The following RABGAP1L variants were observed in gnomAD, a reference collection of about 807,000 sequenced individuals.
RABGAP1L encodes RAB GTPase activating protein 1 like.
A neutral mutation model predicts 137.7 loss-of-function variants in RABGAP1L; 63 were observed. The ratio of observed to expected loss-of-function variants is 0.46; its 90% CI spans 0.37 to 0.56. The LOEUF (loss-of-function observed/expected upper bound fraction) is 0.56. Among genes scored for constraint, RABGAP1L ranks in the 20% least tolerant of loss-of-function variants. RABGAP1L has a pLI of 0.00. For missense variants in RABGAP1L, 1,095 were observed against 1,244.0 expected (o/e 0.88, Z 1.80); for synonymous variants, 431 against 433.7 (o/e 0.99, Z 0.08).
intron 19 of RABGAP1L, among the ~76,000 whole-genome samples, chr1:174,953,518 A>G (rs1668045826): frequency 6.6e-6 from 1 of 152,182 alleles, no homozygotes; most frequent in African/African-American, 2.4e-5. Context: ...AACAGCTGAC[A>G]AGGACCCACT....
At chr1:174,552,649 A>G (rs1282668740) in intron 13 of RABGAP1L, among the ~76,000 whole-genome samples, 7 of 152,070 alleles carry the variant, frequency 4.6e-5, no homozygotes, top group African/African-American at 1.4e-4. Context: ...GGTTCATTCC[A>G]TGTGTTTGCT....
intron 1 of RABGAP1L, among the ~76,000 whole-genome samples, chr1:174,173,387 C>T (rs1466319821): frequency 6.6e-6 from 1 of 152,130 alleles, no homozygotes; most frequent in Non-Finnish European, 1.5e-5. Context: ...ACCTCAGCCT[C>T]CCAAAGTGCT....
chr1:174,705,162 A>G (rs1291290121), intron 17 of RABGAP1L: 4 of 152,138 alleles, frequency 2.6e-5, no homozygotes, highest in Non-Finnish European at 4.4e-5. Context: ...GTGCTTAATC[A>G]TAACCAACTA....
intron 10 of RABGAP1L, among the ~76,000 whole-genome samples, chr1:174,288,476 A>G (rs1676270670): frequency 6.6e-6 from 1 of 152,140 alleles, no homozygotes; most frequent in Non-Finnish European, 1.5e-5. Flanking sequence ...TGCCAGGTAT[A>G]GTATTCTTGG....
intron 13 of RABGAP1L, among the ~76,000 whole-genome samples, chr1:174,404,974 T>C (rs1649091571): frequency 6.6e-6 from 1 of 152,206 alleles, no homozygotes; most frequent in African/African-American, 2.4e-5. Context: ...TCACATCAGA[T>C]TACTGGTACT....
intron 1 of RABGAP1L, among the ~76,000 whole-genome samples, chr1:174,176,450 C>T (rs1409763696): frequency 6.7e-6 from 1 of 149,506 alleles, no homozygotes; most frequent in Non-Finnish European, 1.5e-5. Context: ...TGGCTCACGC[C>T]TGTAATCCTA....
At chr1:174,252,405 G>A (rs1397792781) in intron 6 of RABGAP1L, 75 bp from the exon 7 acceptor site, 1 of 1,546,400 alleles carries the variant, frequency 6.5e-7, no homozygotes, top group Non-Finnish European at 8.7e-7. Context: ...TTGTTGTTTT[G>A]TTCTAACCTT....
intron 13 of RABGAP1L, among the ~76,000 whole-genome samples, chr1:174,573,251 AT>A (rs1430392279): frequency 6.6e-6 from 1 of 151,496 alleles, no homozygotes; most frequent in East Asian, 1.9e-4. Context: ...ATGTGTGTAT[AT>A]ATGTGTGACA....
intron 13 of RABGAP1L, among the ~76,000 whole-genome samples, chr1:174,413,064 G>T (rs981166918): frequency 2.0e-5 from 3 of 152,050 alleles, no homozygotes; most frequent in Admixed American, 6.6e-5. Context: ...TTTTCAGATT[G>T]TTTACTTTTT....
At position 174,440,187 on chromosome 1, in the gene RABGAP1L, G is replaced by C. The variant is rs145576536; in HGVS notation, c.1710+46042G>C. On this transcript the variant is annotated intron_variant, in intron 13 of 25. Transcript: ENST00000681986. ...TTAGCTAATCCTAAACAACATAGAA[G>C]AGAAGTGAGACTGGATGGATGCATA... Among the ~76,000 whole-genome samples, 178 of 152,306 alleles carry C rather than the reference G, an allele frequency of 1.2e-3. 1 individual carries two copies. Among genetic ancestry groups the C allele is most frequent in the African/African-American group, 4.2e-3 (174 of 41,564 alleles).
intron 18 of RABGAP1L, among the ~76,000 whole-genome samples, chr1:174,791,515 G>A (rs571968037): frequency 6.6e-6 from 1 of 152,152 alleles, no homozygotes; most frequent in East Asian, 1.9e-4. Flanking sequence ...AAAAAATGCT[G>A]GTCTAGCTTG....
At chr1:174,487,236 G>GT (rs1659758789) in intron 13 of RABGAP1L, among the ~76,000 whole-genome samples, 3 of 152,030 alleles carry the variant, frequency 2.0e-5, no homozygotes, top group Admixed American at 1.3e-4. Flanking sequence ...GTCTCCAGCT[G>GT]TTACTCTATT....
chr1:174,424,584 GA>G (rs1179767219), intron 13 of RABGAP1L, among the ~76,000 whole-genome samples: 1 of 151,940 alleles, frequency 6.6e-6, no homozygotes, highest in African/African-American at 2.4e-5. Context: ...TTTCTTTATA[GA>G]AATTGAAAAG....
chr1:174,556,810 G>T (rs1289728416), intron 13 of RABGAP1L, among the ~76,000 whole-genome samples: 1 of 152,214 alleles, frequency 6.6e-6, no homozygotes, highest in East Asian at 1.9e-4. Flanking sequence ...ATTATTGGTG[G>T]TGAGAAGGAG....
chr1:174,970,696 A>G (rs1433899865), intron 21 of RABGAP1L, among the ~76,000 whole-genome samples: 1 of 152,154 alleles, frequency 6.6e-6, no homozygotes, highest in Non-Finnish European at 1.5e-5. Context: ...TATATAGATG[A>G]GGAAACTAGA....
At chr1:174,449,805 C>A (rs980665027) in intron 13 of RABGAP1L, among the ~76,000 whole-genome samples, 3 of 152,160 alleles carry the variant, frequency 2.0e-5, no homozygotes, top group African/African-American at 7.2e-5. Flanking sequence ...CACAGTTTTT[C>A]TGCTATAAAC....
In RABGAP1L at chr1:174,761,857, G is replaced by A. The variant is rs1166877866; in HGVS notation, c.2211+9503G>A. Among the ~76,000 whole-genome samples the A allele has an allele frequency of 1.3e-5, 2 of 152,058 alleles. No homozygotes were observed. Among genetic ancestry groups the A allele is most frequent in the South Asian group, 4.1e-4 (2 of 4,828 alleles). ...AAGATGAGGTTTGGGTGGGGACACAGCCAAACCATATCAACAATAAACATA... is the reference window on the plus strand; with the variant it reads ...AAGATGAGGTTTGGGTGGGGACACAACCAAACCATATCAACAATAAACATA... On this transcript the variant is annotated intron_variant, in intron 18 of 25. Coordinates refer to ENST00000681986, the MANE Select transcript of RABGAP1L (RefSeq NM_001366446.1). This position sits in a 1 kb window ranked among gnomAD's most constrained non-coding sequence, Gnocchi z 4.0.
chr1:174,329,048 A>AAC (rs932656982), intron 11 of RABGAP1L, among the ~76,000 whole-genome samples: 2 of 151,660 alleles, frequency 1.3e-5, no homozygotes, highest in African/African-American at 4.8e-5. Context: ...ACAAAAAAAA[A>AAC]AACCCAGGAA....
chr1:174,850,788 A>G (rs926375312), intron 19 of RABGAP1L, among the ~76,000 whole-genome samples: 11 of 152,256 alleles, frequency 7.2e-5, no homozygotes, highest in Non-Finnish European at 1.5e-4. Context: ...TAATCGAATC[A>G]TATGAGCCTT....
Sources: gnomAD v4.1 joint callset for allele counts (sites outside exome capture counted in the v4.1 genomes callset) on GRCh38, gnomAD v4.1.1 for gene constraint, Gnocchi (gnomAD v3.1) non-coding constraint, MANE v1.5 for transcripts, NCBI Gene and HGNC (gene_info 2026-07-23, HGNC 2026-07-21) for gene names.